Variants in GRID1 observed in about 807,000 individuals in gnomAD.
GRID1 encodes the protein glutamate receptor ionotropic, delta-1.
GRID1 carries 28 observed loss-of-function variants against 98.0 expected under a neutral mutation model. The observed-to-expected ratio is 0.29, with a 90% CI of 0.21 to 0.39. The LOEUF (loss-of-function observed/expected upper bound fraction) is 0.39. GRID1 is among the 10% of genes least tolerant of loss of function. The probability of loss-of-function intolerance (pLI) is 1.00; values close to 1 mark genes in which losing one functional copy is unlikely to be tolerated. For synonymous variants in GRID1, 553 were observed against 538.5 expected (o/e 1.03, Z -0.37); for missense variants, 1,111 against 1,340.5 (o/e 0.83, Z 2.67).
At chr10:85,629,583 A>T (rs528676502) in intron 13 of GRID1, among the ~76,000 whole-genome samples, 1 of 152,348 alleles carries the variant, frequency 6.6e-6, no homozygotes, top group East Asian at 1.9e-4. Flanking sequence ...TAATGGCTGA[A>T]TAATATTCCT....
chr10:86,186,063 A>T (rs1564700822), intron 3 of GRID1, among the ~76,000 whole-genome samples: 1 of 152,206 alleles, frequency 6.6e-6, no homozygotes, highest in Non-Finnish European at 1.5e-5. Context: ...TCTTTCTCTG[A>T]GGTTTTTAAA....
chr10:86,263,155 TC>T (rs1330597884), intron 2 of GRID1, among the ~76,000 whole-genome samples: 2 of 152,352 alleles, frequency 1.3e-5, no homozygotes, highest in Admixed American at 6.5e-5. Context: ...TCACTACTGC[TC>T]CCCGTCATCG....
At chr10:85,817,439 G>C (rs12241200) in intron 8 of GRID1, among the ~76,000 whole-genome samples, 1 of 151,900 alleles carries the variant, frequency 6.6e-6, no homozygotes, top group African/African-American at 2.4e-5. Flanking sequence ...GGTAGGAGGA[G>C]AGCCTGAGCC....
intron 3 of GRID1, among the ~76,000 whole-genome samples, chr10:86,190,567 A>C (rs573631672): frequency 6.6e-6 from 1 of 152,326 alleles, no homozygotes; most frequent in East Asian, 1.9e-4. Context: ...GGCACCCCTG[A>C]CATGCCCATC....
At chr10:86,238,790 C>T (rs1444062207) in intron 2 of GRID1, among the ~76,000 whole-genome samples, 1 of 151,906 alleles carries the variant, frequency 6.6e-6, no homozygotes, top group Non-Finnish European at 1.5e-5. Flanking sequence ...GCAAAGTGTG[C>T]GAGTTGAGGC....
intron 8 of GRID1, among the ~76,000 whole-genome samples, chr10:85,763,899 A>T (rs904210407): frequency 4.6e-5 from 7 of 152,172 alleles, no homozygotes; most frequent in Non-Finnish European, 8.8e-5. Context: ...AAATAATTTC[A>T]TCTCTGTGTG....
intron 2 of GRID1, among the ~76,000 whole-genome samples, chr10:86,214,375 T>C (rs966714638): frequency 6.6e-6 from 1 of 152,220 alleles, no homozygotes; most frequent in African/African-American, 2.4e-5. Flanking sequence ...TCCTGTGTGC[T>C]GGGTAGGTAA....
chr10:86,091,927 G>GA (rs1589368215), intron 4 of GRID1, among the ~76,000 whole-genome samples: 1 of 152,190 alleles, frequency 6.6e-6, no homozygotes, highest in East Asian at 1.9e-4. Context: ...ACATCCACAG[G>GA]AAAAGGGGGA....
intron 8 of GRID1, among the ~76,000 whole-genome samples, chr10:85,766,960 TA>T (rs1173861160): frequency 1.3e-5 from 2 of 152,328 alleles, no homozygotes; most frequent in South Asian, 2.1e-4. Flanking sequence ...TGCCTGTGTG[TA>T]ACTAGAGGGG....
intron 4 of GRID1, among the ~76,000 whole-genome samples, chr10:85,957,358 C>A (rs2131846959): frequency 6.6e-6 from 1 of 152,250 alleles, no homozygotes; most frequent in East Asian, 1.9e-4. Flanking sequence ...TCACACACCC[C>A]ATGAATGATT....
chr10:85,811,164 C>T (rs1336187572), intron 8 of GRID1, among the ~76,000 whole-genome samples: 2 of 152,170 alleles, frequency 1.3e-5, no homozygotes, highest in African/African-American at 4.8e-5. Context: ...AGAAACTGCA[C>T]TACTTTATGT....
At chr10:86,048,769 C>T (rs879750459) in intron 4 of GRID1, among the ~76,000 whole-genome samples, 2 of 152,204 alleles carry the variant, frequency 1.3e-5, no homozygotes, top group Non-Finnish European at 2.9e-5. Context: ...GAAGACTCAC[C>T]TTATTTATAG....
chr10:86,156,980 G>A (rs1845254493), intron 3 of GRID1, among the ~76,000 whole-genome samples: 2 of 152,192 alleles, frequency 1.3e-5, no homozygotes, highest in African/African-American at 4.8e-5. Context: ...TGAGGATGAA[G>A]GAGAAGAGGC....
chr10:85,672,313 C>T (rs1372812712), intron 12 of GRID1, among the ~76,000 whole-genome samples: 1 of 152,168 alleles, frequency 6.6e-6, no homozygotes, highest in Non-Finnish European at 1.5e-5. Flanking sequence ...TCTACTATTT[C>T]TGTGCTTTGT....
intron 2 of GRID1, among the ~76,000 whole-genome samples, chr10:86,324,988 G>C (rs1275125421): frequency 6.6e-6 from 1 of 152,100 alleles, no homozygotes; most frequent in African/African-American, 2.4e-5. Context: ...AGTTCATTTT[G>C]ATAAAAGACA....
At chr10:85,992,461 G>T (rs1842691773) in intron 4 of GRID1, among the ~76,000 whole-genome samples, 1 of 152,146 alleles carries the variant, frequency 6.6e-6, no homozygotes, top group African/African-American at 2.4e-5. Context: ...AAGAAGACAT[G>T]AAGATAAGGG....
At chr10:86,008,156 C>T (rs1406922345) in intron 4 of GRID1, among the ~76,000 whole-genome samples, 1 of 152,158 alleles carries the variant, frequency 6.6e-6, no homozygotes, top group African/African-American at 2.4e-5. Context: ...CAATCCCTCC[C>T]CTGGAGACCA....
intron 5 of GRID1, among the ~76,000 whole-genome samples, chr10:85,889,824 C>T (rs182902115): frequency 3.4e-4 from 51 of 152,214 alleles, no homozygotes; most frequent in Non-Finnish European, 5.9e-4. Context: ...CCCTTTTCTC[C>T]GCATCCTCAT....
At chr10:85,858,034 C>T (rs11599415) in intron 6 of GRID1, among the ~76,000 whole-genome samples, 10,559 of 152,304 alleles carry the variant, frequency 0.069, 468 homozygotes, top group Middle Eastern at 0.15. Flanking sequence ...CCCCGTCATG[C>T]CTGTCCAGCC....
Sources: gnomAD v4.1 joint callset for allele counts (sites outside exome capture counted in the v4.1 genomes callset) on GRCh38, gnomAD v4.1.1 for gene constraint, MANE v1.5 for transcripts, NCBI Gene and HGNC (gene_info 2026-07-23, HGNC 2026-07-21) for gene names.